The following MAP3K3 variants were observed in gnomAD, a reference collection of about 807,000 sequenced individuals.
MAP3K3 encodes MAP/ERK kinase kinase 3.
MAP3K3 carries 12 observed loss-of-function variants against 80.9 expected under a neutral mutation model. The ratio of observed to expected loss-of-function variants is 0.15; its 90% CI spans 0.10 to 0.24. The LOEUF is 0.24. MAP3K3 is among the 10% of genes least tolerant of loss of function. The pLI, the probability that MAP3K3 is intolerant of heterozygous loss-of-function variation, is 1.00. For missense variants in MAP3K3, 596 were observed against 834.7 expected (o/e 0.71, Z 3.52); for synonymous variants, 272 against 307.1 (o/e 0.89, Z 1.19).
intron 6 of MAP3K3, among the ~76,000 whole-genome samples, chr17:63,678,519 C>G (rs971693937): frequency 2.0e-5 from 3 of 152,098 alleles, no homozygotes; most frequent in Non-Finnish European, 2.9e-5. Flanking sequence ...TGTTTCTGGC[C>G]TTTGCTCTGG....
chr17:63,644,353 T>A (rs2034501427), intron 2 of MAP3K3, among the ~76,000 whole-genome samples: 2 of 152,124 alleles, frequency 1.3e-5, no homozygotes, highest in African/African-American at 4.8e-5. Context: ...TAGCTGGGAT[T>A]ACAGGTGTGC....
chr17:63,660,850 C>T (rs1394942720), intron 5 of MAP3K3, among the ~76,000 whole-genome samples: 2 of 152,156 alleles, frequency 1.3e-5, no homozygotes, highest in Non-Finnish European at 2.9e-5. Context: ...CCTGTCTCGG[C>T]CTCCCAAAGT....
chr17:63,639,392 C>G (rs1249937193), intron 2 of MAP3K3, among the ~76,000 whole-genome samples: 2 of 152,124 alleles, frequency 1.3e-5, no homozygotes, highest in Non-Finnish European at 2.9e-5. Context: ...AAAGGGGGGT[C>G]CCTGTGGGGA....
intron 5 of MAP3K3, among the ~76,000 whole-genome samples, chr17:63,662,650 A>ATTTTTTTTTTTTT (rs1192833142): frequency 1.2e-5 from 1 of 82,564 alleles, no homozygotes; most frequent in African/African-American, 5.9e-5. Context: ...AGAAGAGGGA[A>ATTTTTTTTTTTTT]TTTTTTTTTT....
At position 63,688,579 on chromosome 17, in the gene MAP3K3, A is replaced by G; in HGVS notation, c.763A>G (p.Arg255Gly). ...MSRAQSFPDN[R>G]QEYSDRETQL... ...CCGTGCCCAGAGCTTCCCTGACAAC[A>G]GACAGGAATACTCAGGTGAGTTCCA... The change falls in exon 9 of 16, where the codon AGA becomes GGA. Residue 255 changes from arginine (R) to glycine (G), a missense_variant. Around this residue, in one of 2 missense-constraint regions of MAP3K3, gnomAD observed 364 missense variants for 588.9 expected, o/e 0.62. Coordinates refer to ENST00000361733, the MANE Select transcript of MAP3K3 (RefSeq NM_002401.5). The G allele has an allele frequency of 2.5e-6, 4 of 1,613,980 alleles. No homozygotes were observed. In the South Asian group the frequency reaches 3.3e-5, roughly 13 times the overall value.
intron 2 of MAP3K3, among the ~76,000 whole-genome samples, chr17:63,636,070 C>G (rs1005849676): frequency 6.6e-6 from 1 of 152,192 alleles, no homozygotes; most frequent in African/African-American, 2.4e-5. Flanking sequence ...GGAGCTCAAG[C>G]TTGGCCCAGC....
intron 4 of MAP3K3, among the ~76,000 whole-genome samples, chr17:63,652,939 C>G (rs569197239): frequency 6.6e-6 from 1 of 152,286 alleles, no homozygotes; most frequent in South Asian, 2.1e-4. Flanking sequence ...AGGGCTTATA[C>G]TGTCTCCTTT....
chr17:63,661,747 G>A (rs959003555), intron 5 of MAP3K3, among the ~76,000 whole-genome samples: 2 of 152,182 alleles, frequency 1.3e-5, no homozygotes, highest in Non-Finnish European at 2.9e-5. Context: ...AAAATAGTGG[G>A]ACAGGTGCAG....
chr17:63,688,356 A>G (rs2035504390), intron 8 of MAP3K3, 171 bp from the exon 9 acceptor site: 2 of 642,958 alleles, frequency 3.1e-6, no homozygotes, highest in Middle Eastern at 3.1e-4. Context: ...CAGACTAGTG[A>G]AGGGAGGGTG....
At chr17:63,688,681 C>T in intron 9 of MAP3K3, 87 bp downstream of exon 9, 6 of 1,444,844 alleles carry the variant, frequency 4.2e-6, no homozygotes, top group Non-Finnish European at 5.8e-6. Flanking sequence ...GAGTCAGTAG[C>T]TCTCCTTGGG....
intron 2 of MAP3K3, among the ~76,000 whole-genome samples, chr17:63,633,286 T>A (rs2034256003): frequency 6.6e-6 from 1 of 152,144 alleles, no homozygotes; most frequent in South Asian, 2.1e-4. Flanking sequence ...ATTTGGAGTC[T>A]TAAAGCCTTG....
At chr17:63,645,082 A>G (rs138704475) in intron 2 of MAP3K3, among the ~76,000 whole-genome samples, 3 of 152,058 alleles carry the variant, frequency 2.0e-5, no homozygotes, top group African/African-American at 7.2e-5. Context: ...TATTTCTCAT[A>G]TTTATACTTC....
intron 6 of MAP3K3, among the ~76,000 whole-genome samples, chr17:63,676,265 C>G (rs1375054875): frequency 6.6e-6 from 1 of 152,220 alleles, no homozygotes; most frequent in Admixed American, 6.5e-5. Flanking sequence ...CCCAGACCCT[C>G]CTGGGTCTGT....
chr17:63,660,980 A>T (rs1389279764), intron 5 of MAP3K3, among the ~76,000 whole-genome samples: 1 of 151,820 alleles, frequency 6.6e-6, no homozygotes, highest in Non-Finnish European at 1.5e-5. Flanking sequence ...TACCTCTCCC[A>T]CCTCACTTTG....
Position 63,689,016 on chromosome 17 carries a change from G to C in MAP3K3, c.871+135G>C. On this transcript the variant is annotated intron_variant, in intron 10 of 15. Transcript: ENST00000361733. The surrounding 1 kb of genome is among the most constrained non-coding windows in gnomAD (Gnocchi z 4.3). ...ATTTGTGGCCCAGACTTGAGGCATG[G>C]GAGACAGGAAAAAAACAAAAACAAA... The C allele has an allele frequency of 1.5e-6, 1 of 659,310 alleles. No homozygotes were observed. Among genetic ancestry groups the C allele is most frequent in the East Asian group, 2.6e-5 (1 of 38,042 alleles). The allele number at this position is 659,310 out of a possible 1,614,324, so 40.8% of individuals were successfully genotyped here. A position where few individuals can be genotyped will look rare whatever the true frequency, so the allele number is the denominator to read the frequency against.
chr17:63,636,734 A>G (rs952889360), intron 2 of MAP3K3: 8 of 300,302 alleles, frequency 2.7e-5, no homozygotes, highest in African/African-American at 1.6e-4. Flanking sequence ...AAGGACAATG[A>G]CATTGACCTG....
intron 5 of MAP3K3, among the ~76,000 whole-genome samples, chr17:63,666,142 GAA>G (rs1217591215): frequency 6.6e-6 from 1 of 152,156 alleles, no homozygotes; most frequent in Non-Finnish European, 1.5e-5. Flanking sequence ...GGGCCCAGTG[GAA>G]AGAGTGGGTG....
At chr17:63,641,840 G>A (rs528523414) in intron 2 of MAP3K3, among the ~76,000 whole-genome samples, 1 of 152,222 alleles carries the variant, frequency 6.6e-6, no homozygotes, top group East Asian at 1.9e-4. Flanking sequence ...CATGTGTTTG[G>A]GGAGGGGTGG....
At chr17:63,671,285 C>G (rs559611090) in intron 6 of MAP3K3, among the ~76,000 whole-genome samples, 1 of 146,242 alleles carries the variant, frequency 6.8e-6, no homozygotes, top group Non-Finnish European at 1.5e-5. Flanking sequence ...GTGACGGAGT[C>G]TTGCTCTGTC....
Sources: allele counts gnomAD v4.1 joint callset (sites outside exome capture counted in the v4.1 genomes callset), GRCh38; gene constraint gnomAD v4.1.1; regional missense constraint gnomAD v4.1.1; non-coding constraint Gnocchi (gnomAD v3.1); transcripts MANE v1.5; gene names NCBI Gene and HGNC (gene_info 2026-07-23, HGNC 2026-07-21).